PRIMA1: variants seen among roughly 807,000 people sequenced by gnomAD.
The protein encoded by PRIMA1 is proline rich membrane anchor 1.
A neutral mutation model predicts 17.5 loss-of-function variants in PRIMA1; 7 were observed. The ratio of observed to expected loss-of-function variants is 0.40; its 90% CI spans 0.23 to 0.75. The LOEUF (loss-of-function observed/expected upper bound fraction) is 0.75. Ranked by LOEUF, PRIMA1 falls within the 30% of genes least tolerant of loss-of-function variation. The probability of loss-of-function intolerance (pLI) is 0.37; values close to 1 mark genes in which losing one functional copy is unlikely to be tolerated. For missense variants in PRIMA1, 200 were observed against 201.8 expected, an observed-to-expected ratio of 0.99 and a Z score of 0.05; for synonymous variants, 97 against 77.9, an observed-to-expected ratio of 1.25 and a Z score of -1.29.
chr14:93,753,537 T>TGGGAGCA (rs1029091204), intron 3 of PRIMA1, among the ~76,000 whole-genome samples: 3 of 152,044 alleles, frequency 2.0e-5, no homozygotes, highest in Admixed American at 6.5e-5. Context: ...CACAGAAACT[T>TGGGAGCA]GGGAGCAGGG....
intron 3 of PRIMA1, among the ~76,000 whole-genome samples, chr14:93,768,238 T>C (rs1321439074): frequency 6.6e-6 from 1 of 152,016 alleles, no homozygotes; most frequent in African/African-American, 2.4e-5. Context: ...GAGGGCAGGA[T>C]TGAGTTTGGC....
chr14:93,780,873 C>T lies in PRIMA1; in HGVS notation c.94-1562G>A, dbSNP rs568673975. 3.0e-4 allele frequency among the ~76,000 whole-genome samples: 46 copies of T among 152,340 alleles called. No individual in the cohort carries two copies. In the South Asian group the frequency reaches 9.3e-3, roughly 31 times the overall value. ...AGTTGCCAGTCACCCTCCACCTCCT[C>T]GACAGCCACGGTTGATTTCTCTGTC... On this transcript the variant is annotated intron_variant, in intron 2 of 4. Transcript: ENST00000393140.
chr14:93,733,442 T>G (rs911617594), intron 4 of PRIMA1, among the ~76,000 whole-genome samples: 1 of 151,868 alleles, frequency 6.6e-6, no homozygotes, highest in Non-Finnish European at 1.5e-5. Flanking sequence ...CCCTGCGGGG[T>G]GCGCCTTCCA....
intron 4 of PRIMA1, among the ~76,000 whole-genome samples, chr14:93,732,954 A>C (rs1042749976): frequency 6.6e-6 from 1 of 152,178 alleles, no homozygotes; most frequent in Non-Finnish European, 1.5e-5. Context: ...GAGGACACCC[A>C]GGTGCCAGGC....
intron 4 of PRIMA1, among the ~76,000 whole-genome samples, chr14:93,725,540 G>T (rs1252139436): frequency 1.3e-5 from 2 of 152,166 alleles, no homozygotes; most frequent in Non-Finnish European, 2.9e-5. Context: ...TCAAGGCTCA[G>T]TAAACCCCCG....
At chr14:93,788,492 A>C (rs1254711558), upstream of PRIMA1, 1 of 152,324 alleles carries the variant, frequency 6.6e-6, no homozygotes, top group African/African-American at 2.4e-5. Context: ...GTTTCCCAGC[A>C]GCCGGACAGC....
intron 3 of PRIMA1, among the ~76,000 whole-genome samples, chr14:93,758,571 C>T (rs1329946309): frequency 6.9e-5 from 9 of 131,110 alleles, no homozygotes; most frequent in East Asian, 6.8e-4. Flanking sequence ...TGCACTCCAG[C>T]GTGGGCAACA....
intron 3 of PRIMA1, among the ~76,000 whole-genome samples, chr14:93,748,057 T>C (rs1273236781): frequency 2.6e-5 from 4 of 151,388 alleles, no homozygotes; most frequent in African/African-American, 9.7e-5. Context: ...AGTGTGTGTA[T>C]GTGAGTGTGA....
chr14:93,778,079 C>T (rs1461311514), intron 3 of PRIMA1, among the ~76,000 whole-genome samples: 4 of 152,200 alleles, frequency 2.6e-5, no homozygotes, highest in African/African-American at 9.6e-5. Context: ...AGCAGAGGGC[C>T]TGGCAGGCCT....
chr14:93,728,229 C>T (rs1197628272), intron 4 of PRIMA1, among the ~76,000 whole-genome samples: 4 of 152,200 alleles, frequency 2.6e-5, no homozygotes, highest in African/African-American at 7.2e-5. Flanking sequence ...ACACTGGCCT[C>T]GACCTGGCAC....
At chr14:93,735,848 AC>A (rs1181451854) in intron 4 of PRIMA1, among the ~76,000 whole-genome samples, 1 of 151,594 alleles carries the variant, frequency 6.6e-6, no homozygotes, top group Non-Finnish European at 1.5e-5. Context: ...TGCCACCATG[AC>A]CTGCTAATTT....
chr14:93,748,317 C>T (rs75346524), intron 3 of PRIMA1, among the ~76,000 whole-genome samples: 1 of 152,180 alleles, frequency 6.6e-6, no homozygotes, highest in East Asian at 1.9e-4. Flanking sequence ...GACAGTCTGG[C>T]CCCAGGGCCA....
intron 4 of PRIMA1, among the ~76,000 whole-genome samples, chr14:93,722,369 CTGGTGGT>C (rs2076045071): frequency 3.5e-4 from 8 of 22,934 alleles, no homozygotes; most frequent in African/African-American, 8.7e-4. Flanking sequence ...AGTGGTGATG[CTGGTGGT>C]AATGGGGTGA....
intron 4 of PRIMA1, among the ~76,000 whole-genome samples, chr14:93,736,433 C>A (rs2076150526): frequency 6.6e-6 from 1 of 152,174 alleles, no homozygotes; most frequent in African/African-American, 2.4e-5. Flanking sequence ...TACAGTTATG[C>A]CTGTGTTATT....
intron 2 of PRIMA1, among the ~76,000 whole-genome samples, chr14:93,784,470 G>A (rs1885466853): frequency 1.3e-5 from 2 of 152,164 alleles, no homozygotes; most frequent in Non-Finnish European, 2.9e-5. Context: ...AACCAGCCTG[G>A]ACTGAGATTT....
chr14:93,734,624 G>A (rs1474512656), intron 4 of PRIMA1, among the ~76,000 whole-genome samples: 1 of 152,026 alleles, frequency 6.6e-6, no homozygotes, highest in African/African-American at 2.4e-5. Flanking sequence ...GCCACCCGCT[G>A]GAAGAAGCCC....
At chr14:93,781,549 C>G (rs1885375968) in intron 2 of PRIMA1, among the ~76,000 whole-genome samples, 1 of 152,202 alleles carries the variant, frequency 6.6e-6, no homozygotes, top group African/African-American at 2.4e-5. Flanking sequence ...TTTGTTTAAC[C>G]TGGCCCGACA....
At chr14:93,754,500 T>C (rs181496696) in intron 3 of PRIMA1, among the ~76,000 whole-genome samples, 6 of 152,240 alleles carry the variant, frequency 3.9e-5, no homozygotes, top group Non-Finnish European at 8.8e-5. Context: ...CATCCCTCCC[T>C]AGGGCAGACA....
chr14:93,784,487 T>C (rs1885467169), intron 2 of PRIMA1, among the ~76,000 whole-genome samples: 1 of 152,210 alleles, frequency 6.6e-6, no homozygotes, highest in Non-Finnish European at 1.5e-5. Context: ...ATTTCTAAAA[T>C]ACCAACCTGA....
Sources: allele counts gnomAD v4.1 joint callset (sites outside exome capture counted in the v4.1 genomes callset), GRCh38; gene constraint gnomAD v4.1.1; transcripts MANE v1.5; gene names NCBI Gene and HGNC (gene_info 2026-07-23, HGNC 2026-07-21).